Variants in MED12L observed in about 807,000 individuals in gnomAD.
MED12L encodes the protein mediator complex subunit 12L, also known as mediator of RNA polymerase II transcription subunit 12-like protein.
MED12L carries 60 observed loss-of-function variants against 281.3 expected under a neutral mutation model. That is an observed-to-expected ratio of 0.21 (90% CI 0.17 to 0.26). The LOEUF (loss-of-function observed/expected upper bound fraction) is 0.26. Among genes scored for constraint, MED12L ranks in the 10% least tolerant of loss-of-function variants. The pLI is 1.00. For missense variants in MED12L, 2,146 were observed against 2,680.9 expected, an observed-to-expected ratio of 0.80 and a Z score of 4.41; for synonymous variants, 974 against 987.2, an observed-to-expected ratio of 0.99 and a Z score of 0.25.
At chr3:151,342,280 C>T (rs16863323) in intron 16 of MED12L, among the ~76,000 whole-genome samples, 47,035 of 152,136 alleles carry the variant, frequency 0.31, 7,553 homozygotes, top group East Asian at 0.49. Context: ...TGCAGAAACA[C>T]ACCTCCCTGG....
chr3:151,306,094 G>A (rs1308532017), intron 16 of MED12L, among the ~76,000 whole-genome samples: 1 of 152,066 alleles, frequency 6.6e-6, no homozygotes, highest in South Asian at 2.1e-4. Flanking sequence ...TGATTATTCC[G>A]CTTATCATTT....
At chr3:151,413,872 C>CATTTTT (rs1413762320) in intron 42 of MED12L, among the ~76,000 whole-genome samples, 1 of 138,290 alleles carries the variant, frequency 7.2e-6, no homozygotes, top group African/African-American at 2.5e-5. Context: ...CCCCTTGATA[C>CATTTTT]ATTTTTTTTT....
At position 151,234,975 on chromosome 3, in the gene MED12L, C is replaced by T. The variant is rs114911189; in HGVS notation, c.2250+41309C>T. 2.9e-3 allele frequency among the ~76,000 whole-genome samples: 436 copies of T among 152,276 alleles called. 3 individuals carry two copies. The highest frequency in any genetic ancestry group is 0.01 in the African/African-American group (420 of 41,570). Reference sequence around the variant, plus strand: ...CTTCTATCTCTTCTATTTCTAACCACGTCATGGACGTGGTTAACTTGTAGA... The same window carrying T: ...CTTCTATCTCTTCTATTTCTAACCATGTCATGGACGTGGTTAACTTGTAGA... On this transcript the variant is annotated intron_variant, in intron 16 of 44. Transcript: ENST00000687756.
chr3:151,236,466 C>T (rs1039231253), intron 16 of MED12L, among the ~76,000 whole-genome samples: 8 of 152,112 alleles, frequency 5.3e-5, no homozygotes, highest in African/African-American at 9.7e-5. Context: ...TTATTCTTAA[C>T]GATGTTAATA....
At chr3:151,146,164 G>C (rs1220758873) in intron 5 of MED12L, among the ~76,000 whole-genome samples, 1 of 152,184 alleles carries the variant, frequency 6.6e-6, no homozygotes, top group Non-Finnish European at 1.5e-5. Flanking sequence ...CCCTGGAGTT[G>C]GAAATAAACG....
chr3:151,141,187 G>GTTTTTTTGTTTTTTTTTT (rs376743895), intron 5 of MED12L, among the ~76,000 whole-genome samples: 15 of 99,102 alleles, frequency 1.5e-4, no homozygotes, highest in African/African-American at 2.4e-4. Flanking sequence ...TGTTTTTTTT[G>GTTTTTTTGTTTTTTTTTT]TTTTTTTTTT....
At chr3:151,203,307 G>A (rs966155292) in intron 16 of MED12L, 1 of 151,960 alleles carries the variant, frequency 6.6e-6, no homozygotes, top group Non-Finnish European at 1.5e-5. Flanking sequence ...CTTTATGAAA[G>A]TCTCCTAAAG....
intron 16 of MED12L, chr3:151,338,253 A>G (rs1751299273): frequency 6.2e-7 from 1 of 1,613,978 alleles, no homozygotes; most frequent in Admixed American, 1.7e-5. Flanking sequence ...ATTAATCCAG[A>G]AAATGACTTG....
chr3:151,340,424 T>G (rs1186542224), intron 16 of MED12L, among the ~76,000 whole-genome samples: 1 of 152,194 alleles, frequency 6.6e-6, no homozygotes, highest in Non-Finnish European at 1.5e-5. Flanking sequence ...TTAACAATTG[T>G]CTCTGACATC....
rs1454025270 is a variant in MED12L at position 151,244,309 on chromosome 3, T to A, written c.2250+50643T>A. Among the ~76,000 whole-genome samples, 3 of 125,312 alleles carry A rather than the reference T, an allele frequency of 2.4e-5. 1 individual carries two copies. Among genetic ancestry groups the A allele is most frequent in the African/African-American group, 5.4e-5 (2 of 36,772 alleles). The allele number at this position is 125,312 out of a possible 152,430, so 82.2% of individuals were successfully genotyped here. A position where few individuals can be genotyped will look rare whatever the true frequency, so the allele number is the denominator to read the frequency against. ...AACTCTCCACCCCAAATCAACAGAATATACATTTTTTTCAGCACCACACCA... is the reference window on the plus strand; with the variant it reads ...AACTCTCCACCCCAAATCAACAGAAAATACATTTTTTTCAGCACCACACCA... On this transcript the variant is annotated intron_variant, in intron 16 of 44. Coordinates refer to ENST00000687756, the MANE Select transcript of MED12L (RefSeq NM_001393769.1).
chr3:151,133,446 G>A lies in MED12L; in HGVS notation c.556+5462G>A, dbSNP rs144186409. ...CACAAAAGTGAGAGGAGTGAGAAGCGCCTTGGGTTTCTGAGTGAGGTCTCA... is the reference window on the plus strand; with the variant it reads ...CACAAAAGTGAGAGGAGTGAGAAGCACCTTGGGTTTCTGAGTGAGGTCTCA... On this transcript the variant is annotated intron_variant, in intron 5 of 44. Coordinates refer to ENST00000687756, the MANE Select transcript of MED12L (RefSeq NM_001393769.1). 5.5e-4 allele frequency among the ~76,000 whole-genome samples: 84 copies of A among 152,270 alleles called. 1 individual carries two copies. Among genetic ancestry groups the A allele is most frequent in the African/African-American group, 1.8e-3 (74 of 41,536 alleles).
chr3:151,342,334 TGTGTTG>T (rs1469817602), intron 16 of MED12L, among the ~76,000 whole-genome samples: 23 of 152,258 alleles, frequency 1.5e-4, no homozygotes, highest in Non-Finnish European at 1.0e-4. Flanking sequence ...GGGAATCATT[TGTGTTG>T]GTGCCTTTGC....
intron 5 of MED12L, among the ~76,000 whole-genome samples, chr3:151,133,865 A>G (rs929072901): frequency 8.5e-5 from 13 of 152,364 alleles, no homozygotes; most frequent in Admixed American, 2.0e-4. Context: ...ATGCAATTGA[A>G]GTCTTTGAAC....
intron 39 of MED12L, among the ~76,000 whole-genome samples, chr3:151,398,604 G>A (rs1344056548): frequency 1.3e-5 from 2 of 152,186 alleles, no homozygotes; most frequent in Non-Finnish European, 2.9e-5. Flanking sequence ...TGTAATAATT[G>A]TTATAATTGA....
chr3:151,107,938 T>C (rs1722279134), intron 2 of MED12L, among the ~76,000 whole-genome samples: 1 of 152,162 alleles, frequency 6.6e-6, no homozygotes, highest in Non-Finnish European at 1.5e-5. Context: ...GCTTGATTGT[T>C]TAAGGCTTTG....
chr3:151,314,379 C>T (rs1199636663), intron 16 of MED12L, among the ~76,000 whole-genome samples: 1 of 152,154 alleles, frequency 6.6e-6, no homozygotes, highest in Non-Finnish European at 1.5e-5. Context: ...ACCTGTCTTT[C>T]ACCATTGGCC....
chr3:151,182,275 A>G (rs1371641208), intron 11 of MED12L, among the ~76,000 whole-genome samples: 1 of 150,872 alleles, frequency 6.6e-6, no homozygotes, highest in African/African-American at 2.5e-5. Flanking sequence ...TAAACCCAGT[A>G]TTTGCCCTAA....
intron 21 of MED12L, among the ~76,000 whole-genome samples, chr3:151,363,902 T>C (rs192033384): frequency 1.3e-5 from 2 of 152,158 alleles, no homozygotes; most frequent in African/African-American, 4.8e-5. Context: ...CTTAAAGCTA[T>C]TGACAGTGGC....
chr3:151,165,914 T>C lies in MED12L; in HGVS notation c.1426T>C (p.Ser476Pro), dbSNP rs1487532202. Residue 476 changes from serine (S) to proline (P), a missense_variant, in exon 11 of 45, where the codon TCC (serine) becomes CCC (proline). By Grantham distance (74) the Ser-to-Pro change is moderately conservative. This residue lies in a region of MED12L where 722 missense variants were observed against 861.2 expected (regional missense o/e 0.84). Coordinates refer to ENST00000687756, the MANE Select transcript of MED12L (RefSeq NM_001393769.1). ...TCGTCACTGTTTTGACCGAACTGAT[T>C]CCAGCAATTCCATGGAGACACTTTA... The part of the protein sequence containing the change: ...LDRHCFDRTD[S>P]SNSMETLYHK... 5 of 1,613,996 alleles carry C rather than the reference T, an allele frequency of 3.1e-6. No individual in the cohort carries two copies. Among genetic ancestry groups the C allele is most frequent in the Non-Finnish European group, 4.2e-6 (5 of 1,179,866 alleles).
Sources: allele counts gnomAD v4.1 joint callset (sites outside exome capture counted in the v4.1 genomes callset), GRCh38; gene constraint gnomAD v4.1.1; regional missense constraint gnomAD v4.1.1; transcripts MANE v1.5; gene names NCBI Gene and HGNC (gene_info 2026-07-23, HGNC 2026-07-21).